Variants in METAP2 observed in about 807,000 individuals in gnomAD.
METAP2 encodes methionine aminopeptidase 2.
A neutral mutation model predicts 59.4 loss-of-function variants in METAP2; 25 were observed. That is an observed-to-expected ratio of 0.42 (90% confidence interval 0.31 to 0.59). The LOEUF (loss-of-function observed/expected upper bound fraction) is 0.59, where lower values mean the gene tolerates loss of function less well. METAP2 is among the 20% of genes least tolerant of loss of function. The pLI, the probability that METAP2 is intolerant of heterozygous loss-of-function variation, is 0.16. For synonymous variants in METAP2, 214 were observed against 194.1 expected (o/e 1.10, Z -0.85); for missense variants, 366 against 581.2 (o/e 0.63, Z 3.81).
chr12:95,492,679 C>T (rs1480377750), intron 4 of METAP2, among the ~76,000 whole-genome samples: 1 of 152,102 alleles, frequency 6.6e-6, no homozygotes, highest in Non-Finnish European at 1.5e-5. Context: ...GATCCTCTTG[C>T]CTCAGACTCC....
chr12:95,496,566 C>T (rs1043701322), intron 7 of METAP2, among the ~76,000 whole-genome samples: 24 of 151,870 alleles, frequency 1.6e-4, no homozygotes, highest in African/African-American at 5.8e-4. Flanking sequence ...TCATAGTTAA[C>T]ATTAGGGTTC....
At chr12:95,503,182 A>G (rs986737297) in intron 7 of METAP2, among the ~76,000 whole-genome samples, 1 of 152,012 alleles carries the variant, frequency 6.6e-6, no homozygotes, top group Non-Finnish European at 1.5e-5. Flanking sequence ...TGAAAATCAG[A>G]TATTCCCCCT....
intron 7 of METAP2, among the ~76,000 whole-genome samples, chr12:95,496,386 G>C (rs773092963): frequency 6.6e-6 from 1 of 151,962 alleles, no homozygotes; most frequent in Non-Finnish European, 1.5e-5. Flanking sequence ...TTTTTTTGTG[G>C]TTCTTTTTTA....
chr12:95,482,140 C>T lies in METAP2; in HGVS notation c.260-1075C>T, dbSNP rs1354239479. 6.6e-6 allele frequency: 3 copies of T among 453,238 alleles called. No individual in the cohort carries two copies. In the East Asian group the frequency reaches 2.1e-4, roughly 32 times the overall value. 28.1% of individuals were successfully genotyped at this position (453,238 alleles called of 1,614,324 possible). A position where few individuals can be genotyped will look rare whatever the true frequency, so the allele number is the denominator to read the frequency against. Reference sequence around the variant, plus strand: ...TGTTGTTGTTAGGATACAAGATCTCCCTCCCGTCACCCAGGCTGACGTGCT... The same window carrying T: ...TGTTGTTGTTAGGATACAAGATCTCTCTCCCGTCACCCAGGCTGACGTGCT... On this transcript the variant is annotated intron_variant, in intron 2 of 10. Transcript: ENST00000323666.
chr12:95,513,581 GCTTTT>G, intron 10 of METAP2, 66 bp from the exon 11 acceptor site: 1 of 1,531,640 alleles, frequency 6.5e-7, no homozygotes, highest in East Asian at 2.2e-5. Context: ...TAAGGTCTGG[GCTTTT>G]CTTAATGAGG....
intron 4 of METAP2, among the ~76,000 whole-genome samples, chr12:95,487,316 A>G (rs554015265): frequency 6.7e-5 from 10 of 148,512 alleles, no homozygotes; most frequent in Admixed American, 4.7e-4. Flanking sequence ...TAAAGACACC[A>G]TTTTTTTTTT....
chr12:95,502,948 C>CT (rs1267338766), intron 7 of METAP2, among the ~76,000 whole-genome samples: 57 of 110,898 alleles, frequency 5.1e-4, no homozygotes, highest in Non-Finnish European at 9.3e-4. Context: ...TTTGTTCATA[C>CT]ATTTTTTTTT....
chr12:95,478,678 C>T (rs1342399679), intron 2 of METAP2, among the ~76,000 whole-genome samples: 1 of 151,880 alleles, frequency 6.6e-6, no homozygotes, highest in African/African-American at 2.4e-5. Flanking sequence ...GGTAGACAGA[C>T]AAAACCTAGA....
Position 95,504,085 on chromosome 12 carries a change from T to C in METAP2, c.888T>C (p.Arg296=). 1 of 1,613,694 alleles carries C rather than the reference T, an allele frequency of 6.2e-7. No individual in the cohort carries two copies. Among genetic ancestry groups the C allele is most frequent in the Non-Finnish European group, 8.5e-7 (1 of 1,179,798 alleles). The part of the protein sequence containing the change: ...TGIKCAGIDV[R]LCDVGEAIQE... The stretch of plus-strand genomic sequence containing the variant: ...TTTAGTGTGCTGGAATTGATGTTCG[T>C]CTGTGTGATGTTGGTGAGGCCATCC... The change falls in exon 8 of 11, where the codon CGT becomes CGC. Residue 296 remains arginine (R), a synonymous_variant. Transcript: ENST00000323666.
At chr12:95,499,007 C>A (rs1461215898) in intron 7 of METAP2, among the ~76,000 whole-genome samples, 1 of 140,594 alleles carries the variant, frequency 7.1e-6, no homozygotes, top group Non-Finnish European at 1.5e-5. Flanking sequence ...AAAAGCAAGA[C>A]CCTGTCCCAA....
intron 7 of METAP2, among the ~76,000 whole-genome samples, chr12:95,502,449 C>T (rs2076323511): frequency 6.6e-6 from 1 of 152,144 alleles, no homozygotes; most frequent in South Asian, 2.1e-4. Flanking sequence ...TGCTTGAAGT[C>T]TAATTGAGCA....
Position 95,494,977 on chromosome 12 carries a change from C to G in METAP2, c.611C>G (p.Ser204Ter). Residue 204 changes from serine (S) to a stop codon, truncating the protein, a stop_gained, in exon 6 of 11, where the codon TCA becomes TGA. Transcript: ENST00000323666. LOFTEE classifies it high-confidence loss of function. ...TTTAGTGAAAAGTTGGAAGACTGTT[C>G]ACGCAAGTTAATAAAAGAGAATGGA... ...IEICEKLEDC[S>*]RKLIKENGLN... 1 of 1,613,094 alleles carries G rather than the reference C, an allele frequency of 6.2e-7. No individual in the cohort carries two copies. The highest frequency in any genetic ancestry group is 8.5e-7 in the Non-Finnish European group (1 of 1,179,572).
At chr12:95,499,379 A>G (rs945876470) in intron 7 of METAP2, among the ~76,000 whole-genome samples, 5 of 152,128 alleles carry the variant, frequency 3.3e-5, no homozygotes, top group African/African-American at 1.2e-4. Flanking sequence ...GGCCTCAAGC[A>G]GTCCTCCTGC....
chr12:95,509,452 G>T (rs1350502729), intron 8 of METAP2, among the ~76,000 whole-genome samples: 2 of 152,156 alleles, frequency 1.3e-5, no homozygotes, highest in African/African-American at 2.4e-5. Flanking sequence ...ATTATCCTTG[G>T]CTCCAAAGAT....
chr12:95,482,065 G>A (rs2076162350), intron 2 of METAP2: 4 of 404,598 alleles, frequency 9.9e-6, no homozygotes, highest in South Asian at 7.1e-5. Context: ...TTAGGCTTTT[G>A]AATCTAAAAA....
intron 2 of METAP2, among the ~76,000 whole-genome samples, chr12:95,478,669 G>C (rs373494561): frequency 1.4e-4 from 22 of 152,020 alleles, no homozygotes; most frequent in African/African-American, 4.1e-4. Context: ...TAAGGATGTG[G>C]TAGACAGACA....
At chr12:95,487,668 C>G (rs2076207576) in intron 4 of METAP2, among the ~76,000 whole-genome samples, 1 of 150,048 alleles carries the variant, frequency 6.7e-6, no homozygotes, top group African/African-American at 2.5e-5. Flanking sequence ...AGGTAGCCTT[C>G]CATATTTTTT....
chr12:95,479,953 A>G (rs2076146923), intron 2 of METAP2, among the ~76,000 whole-genome samples: 1 of 152,194 alleles, frequency 6.6e-6, no homozygotes, highest in Non-Finnish European at 1.5e-5. Flanking sequence ...GAGTTTTGAC[A>G]AAGTATGCAA....
intron 4 of METAP2, among the ~76,000 whole-genome samples, chr12:95,490,155 A>G (rs879938496): frequency 6.7e-6 from 1 of 150,318 alleles, no homozygotes; most frequent in Non-Finnish European, 1.5e-5. Flanking sequence ...AGGCTGGAAT[A>G]CAGCGGTGTG....
Sources: allele counts gnomAD v4.1 joint callset (sites outside exome capture counted in the v4.1 genomes callset), GRCh38; gene constraint gnomAD v4.1.1; transcripts MANE v1.5; gene names NCBI Gene and HGNC (gene_info 2026-07-23, HGNC 2026-07-21).